Variants in CEP192 observed in about 807,000 individuals in gnomAD.
The protein encoded by CEP192 is centrosomal protein of 192 kDa.
In CEP192, 151 loss-of-function variants were observed where a neutral mutation model predicts 271.8. The ratio of observed to expected loss-of-function variants is 0.56; its 90% CI spans 0.49 to 0.64. CEP192 has a LOEUF of 0.64. CEP192 is among the 30% of genes least tolerant of loss of function. The pLI is 0.00. For missense variants in CEP192, 2,910 were observed against 3,020.5 expected (o/e 0.96, Z 0.86); for synonymous variants, 995 against 1,076.5 (o/e 0.92, Z 1.48).
At chr18:13,046,661 G>A (rs2036498152) in intron 15 of CEP192, among the ~76,000 whole-genome samples, 2 of 151,634 alleles carry the variant, frequency 1.3e-5, no homozygotes, top group Non-Finnish European at 1.5e-5. Context: ...GTCTTATTTG[G>A]CATTCCAAGG....
intron 40 of CEP192, among the ~76,000 whole-genome samples, chr18:13,109,629 T>A (rs1282562776): frequency 6.6e-6 from 1 of 151,848 alleles, no homozygotes; most frequent in Non-Finnish European, 1.5e-5. Context: ...GAAAAAAAAT[T>A]GAAATTAATG....
intron 30 of CEP192, among the ~76,000 whole-genome samples, chr18:13,073,881 T>C (rs939090194): frequency 6.6e-6 from 1 of 152,224 alleles, no homozygotes; most frequent in Non-Finnish European, 1.5e-5. Context: ...CATCACCGTT[T>C]AGACCATACC....
intron 37 of CEP192, 150 bp from the exon 38 acceptor site, chr18:13,100,155 C>T (rs1424508065): frequency 4.6e-6 from 3 of 645,870 alleles, no homozygotes; most frequent in Non-Finnish European, 8.0e-6. Flanking sequence ...CACAGATTTA[C>T]CTTGAGATCT....
chr18:13,026,985 G>C (rs964042287), intron 9 of CEP192, among the ~76,000 whole-genome samples: 2 of 152,086 alleles, frequency 1.3e-5, no homozygotes, highest in African/African-American at 4.8e-5. Context: ...CCAAGTAAAA[G>C]AACTACTGTA....
At chr18:13,076,198 G>A (rs565171007) in intron 30 of CEP192, among the ~76,000 whole-genome samples, 5 of 152,152 alleles carry the variant, frequency 3.3e-5, no homozygotes, top group African/African-American at 4.8e-5. Flanking sequence ...GTGGATTTAC[G>A]GTGTTAGATT....
intron 43 of CEP192, among the ~76,000 whole-genome samples, chr18:13,117,270 C>A (rs1410098051): frequency 6.6e-6 from 1 of 152,178 alleles, no homozygotes; most frequent in Non-Finnish European, 1.5e-5. Context: ...CATAAACTCA[C>A]TGGAAGTTTA....
intron 15 of CEP192, among the ~76,000 whole-genome samples, chr18:13,045,436 T>G (rs1015068337): frequency 6.6e-6 from 1 of 152,210 alleles, no homozygotes; most frequent in Non-Finnish European, 1.5e-5. Flanking sequence ...TTTTAGGCCT[T>G]TGAAATTTGT....
At chr18:13,084,970 C>A (rs2038824636) in intron 30 of CEP192, among the ~76,000 whole-genome samples, 2 of 151,526 alleles carry the variant, frequency 1.3e-5, no homozygotes, top group African/African-American at 4.9e-5. Flanking sequence ...CGCATGCCAC[C>A]ACACCCAGCT....
intron 18 of CEP192, among the ~76,000 whole-genome samples, chr18:13,053,863 A>T (rs976431049): frequency 2.7e-5 from 4 of 149,394 alleles, no homozygotes; most frequent in Non-Finnish European, 4.5e-5. Context: ...CTAATTTTTC[A>T]TTTTTTTTTG....
intron 30 of CEP192, among the ~76,000 whole-genome samples, chr18:13,079,537 G>T (rs1243865932): frequency 6.6e-6 from 1 of 151,972 alleles, no homozygotes; most frequent in Non-Finnish European, 1.5e-5. Flanking sequence ...CTGGATATTA[G>T]CCCTTTGACA....
At chr18:12,993,783 A>G (rs897333467) in intron 1 of CEP192, among the ~76,000 whole-genome samples, 3 of 152,160 alleles carry the variant, frequency 2.0e-5, no homozygotes, top group Non-Finnish European at 2.9e-5. Flanking sequence ...AATAGGGATG[A>G]TGGCTACCTT....
At chr18:13,052,360 C>A (rs1045931612) in intron 17 of CEP192, among the ~76,000 whole-genome samples, 1 of 152,172 alleles carries the variant, frequency 6.6e-6, no homozygotes, top group East Asian at 1.9e-4. Flanking sequence ...TTTAAGCTTT[C>A]CTACTTTTTG....
intron 1 of CEP192, among the ~76,000 whole-genome samples, chr18:12,995,101 G>A (rs992425406): frequency 4.1e-5 from 5 of 123,034 alleles, no homozygotes; most frequent in African/African-American, 1.3e-4. Context: ...TCGCTCTGTC[G>A]CCCAGGCTGG....
intron 1 of CEP192, among the ~76,000 whole-genome samples, chr18:12,998,762 C>T (rs542751662): frequency 6.6e-6 from 1 of 152,160 alleles, no homozygotes; most frequent in South Asian, 2.1e-4. Flanking sequence ...GTATATGATA[C>T]GTACTCTGAA....
At chr18:13,086,994 T>TTAATGTTA in intron 30 of CEP192, 23 bp from the exon 31 acceptor site, 1 of 1,533,550 alleles carries the variant, frequency 6.5e-7, no homozygotes, top group South Asian at 1.2e-5. Context: ...TAAAATAATT[T>TTAATGTTA]TGGATATGTA....
chr18:13,069,271 C>A, intron 26 of CEP192, 90 bp downstream of exon 26: 3 of 1,073,084 alleles, frequency 2.8e-6, no homozygotes, highest in East Asian at 2.4e-5. Context: ...CTCTTCCTGG[C>A]CCAACAGAGT....
intron 10 of CEP192, 38 bp from the exon 11 acceptor site, chr18:13,030,427 C>T: frequency 1.3e-6 from 2 of 1,492,250 alleles, no homozygotes; most frequent in African/African-American, 1.4e-5. Context: ...TTAGTTGTTA[C>T]ATGTGTCATT....
intron 21 of CEP192, among the ~76,000 whole-genome samples, chr18:13,065,465 T>C (rs1023031485): frequency 6.6e-6 from 1 of 152,234 alleles, no homozygotes; most frequent in African/African-American, 2.4e-5. Flanking sequence ...CATATTTCTA[T>C]TTCATGATGA....
intron 1 of CEP192, among the ~76,000 whole-genome samples, chr18:12,995,744 A>T (rs2033189879): frequency 6.6e-6 from 1 of 152,212 alleles, no homozygotes; most frequent in Non-Finnish European, 1.5e-5. Flanking sequence ...TCAAATCTGT[A>T]GGTTGAGGAG....
Sources: allele counts gnomAD v4.1 joint callset (sites outside exome capture counted in the v4.1 genomes callset), GRCh38; gene constraint gnomAD v4.1.1; transcripts MANE v1.5; gene names NCBI Gene and HGNC (gene_info 2026-07-23, HGNC 2026-07-21).